The following DTHD1 variants were observed in gnomAD, a reference collection of about 807,000 sequenced individuals.
DTHD1 encodes the protein death domain-containing protein 1.
In DTHD1, 59 loss-of-function variants were observed where a neutral mutation model predicts 74.8. The observed-to-expected ratio is 0.79, with a 90% CI of 0.64 to 0.98. DTHD1 has a LOEUF of 0.98. DTHD1 is among the 50% of genes least tolerant of loss of function. The probability of loss-of-function intolerance (pLI) is 0.00; values close to 1 mark genes in which losing one functional copy is unlikely to be tolerated. For synonymous variants in DTHD1, 365 were observed against 371.1 expected (o/e 0.98, Z 0.19); for missense variants, 1,051 against 1,065.4 (o/e 0.99, Z 0.19).
At chr4:36,334,911 A>C (rs1758920554) in intron 8 of DTHD1, among the ~76,000 whole-genome samples, 1 of 152,242 alleles carries the variant, frequency 6.6e-6, no homozygotes, top group Non-Finnish European at 1.5e-5. Context: ...CTGGCTACTA[A>C]GTATTTATTA....
chr4:36,318,210 G>T lies in DTHD1; in HGVS notation c.2340+1724G>T, dbSNP rs1415945863. Among the ~76,000 whole-genome samples, 6 of 152,202 alleles carry T rather than the reference G, an allele frequency of 3.9e-5. 1 individual carries two copies. Among genetic ancestry groups the T allele is most frequent in the Admixed American group, 3.3e-4 (5 of 15,278 alleles). On this transcript the variant is annotated intron_variant, in intron 8 of 9. Transcript: ENST00000639862. ...CAGACCCAAGAAATCTGCTTCCTGT[G>T]TGTTGAATGGCTATTATGCTGTCAC... is the stretch of plus-strand genomic sequence containing the variant.
chr4:36,306,362 T>C lies in DTHD1; in HGVS notation c.1805+10T>C, dbSNP rs777973066. On this transcript the variant is annotated intron_variant, in intron 6 of 9. Coordinates refer to ENST00000639862, the MANE Select transcript of DTHD1 (RefSeq NM_001170700.3). ...ATGAACATTTGGAGAGGTAATACCA[T>C]CAAAAACAATCAAAGTTGATGATAC... 86 of 1,520,682 alleles carry C rather than the reference T, an allele frequency of 5.7e-5. No individual in the cohort carries two copies. Among genetic ancestry groups the C allele is most frequent in the Non-Finnish European group, 7.4e-5 (83 of 1,129,196 alleles). The allele number at this position is 1,520,682 out of a possible 1,614,324, so 94.2% of individuals were successfully genotyped here. A position where few individuals can be genotyped will look rare whatever the true frequency, so the allele number is the denominator to read the frequency against.
intron 5 of DTHD1, among the ~76,000 whole-genome samples, chr4:36,299,415 G>A (rs561703019): frequency 2.8e-4 from 42 of 152,300 alleles, no homozygotes; most frequent in African/African-American, 9.4e-4. Context: ...CTTTATGGGT[G>A]ATCTGCTTTA....
In DTHD1 at chr4:36,281,684, C is replaced by A; in HGVS notation, c.-75C>A. ...ATCTCCTAGAGTTTAGGAGAAATAA[C>A]AATCACAAAGTTTGAATTTGCAAAA... is the stretch of plus-strand genomic sequence containing the variant. On this transcript the variant is annotated 5_prime_UTR_variant, in exon 1 of 10. Coordinates refer to ENST00000639862, the MANE Select transcript of DTHD1 (RefSeq NM_001170700.3). 2 of 1,234,514 alleles carry A rather than the reference C, an allele frequency of 1.6e-6. No individual in the cohort carries two copies. The highest frequency in any genetic ancestry group is 1.5e-5 in the African/African-American group (1 of 64,636). 76.5% of individuals were successfully genotyped at this position (1,234,514 alleles called of 1,614,324 possible).
intron 7 of DTHD1, among the ~76,000 whole-genome samples, chr4:36,315,326 A>C (rs949896352): frequency 2.0e-5 from 3 of 152,240 alleles, no homozygotes; most frequent in African/African-American, 7.2e-5. Flanking sequence ...TCAGGTTTTC[A>C]TAGAAATTTC....
intron 5 of DTHD1, 77 bp downstream of exon 5, chr4:36,295,116 T>C: frequency 7.4e-7 from 1 of 1,348,536 alleles, no homozygotes; most frequent in East Asian, 2.6e-5. Context: ...TGCAGTCAAA[T>C]GCCTTGTATT....
chr4:36,284,393 A>T lies in DTHD1; in HGVS notation c.689A>T (p.Glu230Val). 6.5e-7 allele frequency: 1 copy of T among 1,537,166 alleles called. No individual in the cohort carries two copies. The highest frequency in any genetic ancestry group is 8.7e-7 in the Non-Finnish European group (1 of 1,146,838). Residue 230 changes from glutamate to valine, a missense_variant, in exon 2 of 10, where the codon GAG becomes GTG. Physicochemically the swap from Glu to Val is moderately radical, Grantham distance 121 (BLOSUM62 -2). Transcript: ENST00000639862. ...AAACAAATAGAACACATGACTGTTG[A>T]GAACATAAATGGCAACAGGGAAGAG... ...DDKQIEHMTV[E>V]NINGNREETH...
At chr4:36,338,355 C>T (rs535080291) in intron 8 of DTHD1, among the ~76,000 whole-genome samples, 2 of 152,162 alleles carry the variant, frequency 1.3e-5, no homozygotes, top group African/African-American at 2.4e-5. Flanking sequence ...AACTATTTTT[C>T]CACGAAAGAA....
chr4:36,289,926 T>A (rs1755959055), intron 2 of DTHD1, among the ~76,000 whole-genome samples: 4 of 152,014 alleles, frequency 2.6e-5, no homozygotes, highest in Admixed American at 2.6e-4. Flanking sequence ...TTTAGACAAT[T>A]CTAATACTTC....
chr4:36,332,187 AAAAAT>A (rs11269624), intron 8 of DTHD1, among the ~76,000 whole-genome samples: 9,717 of 139,362 alleles, frequency 0.07, 483 homozygotes, highest in East Asian at 0.17. Flanking sequence ...CACTGTCTCA[AAAAAT>A]AAAATAAAAT....
chr4:36,303,438 T>A (rs1305584015), intron 5 of DTHD1, among the ~76,000 whole-genome samples: 2 of 152,338 alleles, frequency 1.3e-5, no homozygotes, highest in East Asian at 1.9e-4. Context: ...ATATGTAAAT[T>A]AAAAATCTGA....
At chr4:36,293,425 TAAAG>T (rs1756198387) in intron 3 of DTHD1, 97 bp from the exon 4 acceptor site, 10 of 958,978 alleles carry the variant, frequency 1.0e-5, no homozygotes, top group South Asian at 4.1e-5. Context: ...GGTGATTAAA[TAAAG>T]AGTGTATAGA....
At chr4:36,311,952 T>C (rs1380910993) in intron 7 of DTHD1, among the ~76,000 whole-genome samples, 2 of 152,212 alleles carry the variant, frequency 1.3e-5, no homozygotes, top group Non-Finnish European at 2.9e-5. Flanking sequence ...TATTCACTTA[T>C]AGAGAATATG....
At chr4:36,315,676 A>AGATATATACCAT (rs1757671368) in intron 7 of DTHD1, 5 of 152,218 alleles carry the variant, frequency 3.3e-5, no homozygotes, top group Admixed American at 6.5e-5. Flanking sequence ...AAAGCTGAAT[A>AGATATATACCAT]TTTCAAGTAG....
chr4:36,324,425 T>C (rs896022580), intron 8 of DTHD1, among the ~76,000 whole-genome samples: 1 of 152,236 alleles, frequency 6.6e-6, no homozygotes, highest in Non-Finnish European at 1.5e-5. Flanking sequence ...TTCCTGCCTA[T>C]CTAAATAAAT....
At chr4:36,311,449 T>G (rs535795632) in intron 7 of DTHD1, 2 of 151,754 alleles carry the variant, frequency 1.3e-5, no homozygotes, top group South Asian at 2.1e-4. Context: ...GCCTGGAGGG[T>G]TCTCCTCGCC....
At chr4:36,305,797 C>T (rs1156620070) in intron 5 of DTHD1, among the ~76,000 whole-genome samples, 1 of 152,102 alleles carries the variant, frequency 6.6e-6, no homozygotes, top group East Asian at 1.9e-4. Context: ...TTTACATCAG[C>T]GAGTTTATTA....
chr4:36,308,266 CT>C lies in DTHD1; in HGVS notation c.1871del (p.Leu624Ter). On this transcript the variant is annotated frameshift_variant, in exon 7 of 10. Transcript: ENST00000639862. LOFTEE classifies it high-confidence loss of function. ...DNSHLVTFVK[S>X]LEEAMLSTTA... ...AGTCATTTGGTTACTTTTGTGAAAT[CT>C]TTAGAGGAAGCCATGCTCAGCACCA... The C allele has an allele frequency of 6.4e-7, 1 of 1,552,202 alleles. No individual in the cohort carries two copies. The highest frequency in any genetic ancestry group is 8.7e-7 in the Non-Finnish European group (1 of 1,147,102).
At chr4:36,297,051 A>G (rs897935487) in intron 5 of DTHD1, among the ~76,000 whole-genome samples, 1 of 152,222 alleles carries the variant, frequency 6.6e-6, no homozygotes, top group African/African-American at 2.4e-5. Flanking sequence ...TAAGAAAATC[A>G]TAAGGAAGAG....
Sources: allele counts gnomAD v4.1 joint callset (sites outside exome capture counted in the v4.1 genomes callset), GRCh38; gene constraint gnomAD v4.1.1; transcripts MANE v1.5; gene names NCBI Gene and HGNC (gene_info 2026-07-23, HGNC 2026-07-21).